Variants in SIN3A observed in about 807,000 individuals in gnomAD.
The protein encoded by SIN3A is paired amphipathic helix protein Sin3a.
In SIN3A, 14 loss-of-function variants were observed where a neutral mutation model predicts 146.1. The ratio of observed to expected loss-of-function variants is 0.10; its 90% CI spans 0.06 to 0.15. The LOEUF (loss-of-function observed/expected upper bound fraction) is 0.15, where lower values mean the gene tolerates loss of function less well. Ranked by LOEUF, SIN3A falls within the 10% of genes least tolerant of loss-of-function variation. SIN3A has a pLI of 1.00. For missense variants in SIN3A, 1,028 were observed against 1,576.0 expected, an observed-to-expected ratio of 0.65 and a Z score of 5.89; for synonymous variants, 572 against 572.0, an observed-to-expected ratio of 1.00 and a Z score of 0.00.
rs772099290 is a variant in SIN3A, at chr15:75,392,753, C to G, written c.2340G>C (p.Ala780=). 1.2e-6 allele frequency: 2 copies of G among 1,614,086 alleles called. No homozygotes were observed. The highest frequency in any genetic ancestry group is 1.7e-6 in the Non-Finnish European group (2 of 1,180,006). Residue 780 remains alanine (A), a synonymous_variant, in exon 15 of 21, where the codon GCG becomes GCC. Coordinates refer to ENST00000394947, the MANE Select transcript of SIN3A (RefSeq NM_001145358.2). ...GVPVGPHLSL[A]YEDKQILEDA... ...CTTCCAGTATTTGTTTGTCTTCATACGCAAGTGAGAGGTGTGGGCCAACAG... is the reference window on the plus strand; with the variant it reads ...CTTCCAGTATTTGTTTGTCTTCATAGGCAAGTGAGAGGTGTGGGCCAACAG...
upstream of SIN3A, chr15:75,453,453 C>A (rs1485092691): frequency 2.0e-5 from 3 of 152,392 alleles, no homozygotes; most frequent in African/African-American, 7.2e-5. Context: ...TTTGCGCCGC[C>A]TTCCACCACT....
chr15:75,405,236 G>A (rs1348284246), intron 9 of SIN3A, among the ~76,000 whole-genome samples: 9 of 151,192 alleles, frequency 6.0e-5, no homozygotes, highest in East Asian at 2.0e-4. Context: ...GCGTTGTGGC[G>A]GGGCCTGTAA....
At chr15:75,435,078 G>A (rs1003555691) in intron 1 of SIN3A, among the ~76,000 whole-genome samples, 6 of 151,934 alleles carry the variant, frequency 3.9e-5, no homozygotes, top group Non-Finnish European at 7.4e-5. Flanking sequence ...GCAACTTGTA[G>A]GTATTTATTA....
At chr15:75,413,177 A>G (rs2073674899) in intron 4 of SIN3A, 132 bp from the exon 5 acceptor site, 11 of 812,110 alleles carry the variant, frequency 1.4e-5, no homozygotes, top group Admixed American at 1.1e-4. Context: ...CAATGGTGCA[A>G]TCTTGGGGTC....
chr15:75,391,622 G>A lies in SIN3A; in HGVS notation c.2851+620C>T, dbSNP rs548329413. On this transcript the variant is annotated intron_variant, in intron 15 of 20. Transcript: ENST00000394947. ...ACAGCTCAAGTACCTAATTTATGAC[G>A]TGAACTGGAAGCAGGCAGCACAAAA... Among the ~76,000 whole-genome samples the A allele has an allele frequency of 1.1e-4, 16 of 152,100 alleles. No individual in the cohort carries two copies. The South Asian group carries it at 1.9e-3, about 18-fold the overall frequency.
At chr15:75,442,130 A>AC (rs2074224519) in intron 1 of SIN3A, among the ~76,000 whole-genome samples, 1 of 145,650 alleles carries the variant, frequency 6.9e-6, no homozygotes, top group Non-Finnish European at 1.5e-5. Context: ...CAAAAAAAAA[A>AC]AAAAAAAAAA....
In SIN3A at chr15:75,414,331, C is replaced by A. The variant is rs746582084; in HGVS notation, c.367-20G>T. ...CTCCACCTGAGGCAGGGATAAATAT[C>A]AAGGTTATAAAAAGAAAGTAAGCTC... On this transcript the variant is annotated intron_variant, in intron 3 of 20. Transcript: ENST00000394947. The A allele has an allele frequency of 3.8e-5, 50 of 1,301,958 alleles. No individual in the cohort carries two copies. Among genetic ancestry groups the A allele is most frequent in the East Asian group, 7.6e-5 (3 of 39,336 alleles). The allele number at this position is 1,301,958 out of a possible 1,614,324, so 80.7% of individuals were successfully genotyped here.
chr15:75,409,762 T>C, intron 8 of SIN3A, 74 bp downstream of exon 8: 4 of 1,476,758 alleles, frequency 2.7e-6, no homozygotes, highest in East Asian at 4.6e-5. Flanking sequence ...ACAAAACACA[T>C]GACCACCTCT....
In SIN3A at chr15:75,401,861, G is replaced by A. The variant is rs2073417312; in HGVS notation, c.1517C>T (p.Pro506Leu). Residue 506 changes from proline (P) to leucine (L), a missense_variant, in exon 10 of 21, where the codon CCT (proline) becomes CTT (leucine). Physicochemically the swap from Pro to Leu is moderately conservative, Grantham distance 98. This residue lies in a region of SIN3A where 157 missense variants were observed against 284.8 expected (regional missense o/e 0.55). Transcript: ENST00000394947. ...SRAELVQLVS[P>L]FLGKFPELFN... ...CCCTCACTTCACTTACCCCAGGAAA[G>A]GAGAGACTAGTTGCACAAGCTCAGC... 1 of 1,598,584 alleles carries A rather than the reference G, an allele frequency of 6.3e-7. No individual in the cohort carries two copies. The highest frequency in any genetic ancestry group is 1.7e-5 in the Admixed American group (1 of 59,938).
intron 19 of SIN3A, among the ~76,000 whole-genome samples, chr15:75,379,076 T>C (rs1346899544): frequency 6.6e-6 from 1 of 152,038 alleles, no homozygotes; most frequent in African/African-American, 2.4e-5. Context: ...ATTTTCTGTA[T>C]TTTTAGTAGA....
At chr15:75,447,847 A>C (rs899158124) in intron 1 of SIN3A, 2 of 152,156 alleles carry the variant, frequency 1.3e-5, no homozygotes, top group Non-Finnish European at 2.9e-5. Flanking sequence ...AAACAAAAGC[A>C]AAAGGGGCAA....
At chr15:75,439,585 T>C (rs984469556) in intron 1 of SIN3A, among the ~76,000 whole-genome samples, 2 of 151,820 alleles carry the variant, frequency 1.3e-5, no homozygotes, top group Non-Finnish European at 2.9e-5. Flanking sequence ...GACCTCGTGA[T>C]CCGCCCACCT....
intron 20 of SIN3A, 118 bp from the exon 21 acceptor site, chr15:75,372,327 G>A: frequency 1.8e-6 from 1 of 552,396 alleles, no homozygotes. Context: ...TCAAGTCTTA[G>A]ATACCACTGT....
intron 9 of SIN3A, among the ~76,000 whole-genome samples, 174 bp from the exon 10 acceptor site, chr15:75,402,144 G>A (rs1017823148): frequency 1.3e-5 from 2 of 151,942 alleles, no homozygotes; most frequent in Non-Finnish European, 1.5e-5. Context: ...CACCATGCCT[G>A]GCTAATTTCT....
At chr15:75,409,064 C>T (rs1473756298) in intron 8 of SIN3A, among the ~76,000 whole-genome samples, 3 of 152,022 alleles carry the variant, frequency 2.0e-5, no homozygotes, top group Admixed American at 6.6e-5. Flanking sequence ...ATTAGCTGGG[C>T]GTGGTGGCAC....
chr15:75,420,255 A>T (rs1188138873), intron 3 of SIN3A: 1 of 152,140 alleles, frequency 6.6e-6, no homozygotes, highest in Non-Finnish European at 1.5e-5. Flanking sequence ...ACTAAATAAC[A>T]CCAAACATGC....
intron 1 of SIN3A, among the ~76,000 whole-genome samples, chr15:75,434,990 A>G (rs1352388348): frequency 6.6e-6 from 1 of 152,148 alleles, no homozygotes; most frequent in Non-Finnish European, 1.5e-5. Context: ...ATTTAAAAAA[A>G]AAAAAGATGA....
At chr15:75,407,824 TG>T (rs2073544389) in intron 8 of SIN3A, among the ~76,000 whole-genome samples, 1 of 119,752 alleles carries the variant, frequency 8.4e-6, no homozygotes. Flanking sequence ...ACCCAGGAGG[TG>T]GAGGCTGCAG....
intron 2 of SIN3A, among the ~76,000 whole-genome samples, chr15:75,423,193 G>C (rs2073868130): frequency 6.6e-6 from 1 of 152,144 alleles, no homozygotes; most frequent in African/African-American, 2.4e-5. Context: ...GAGGAGGATT[G>C]CTTGAGTCCA....
Sources: gnomAD v4.1 joint callset for allele counts (sites outside exome capture counted in the v4.1 genomes callset) on GRCh38, gnomAD v4.1.1 for gene constraint, gnomAD v4.1.1 regional missense constraint, MANE v1.5 for transcripts, NCBI Gene and HGNC (gene_info 2026-07-23, HGNC 2026-07-21) for gene names.